Variants in RNF152 observed in about 807,000 individuals in gnomAD.
RNF152 encodes E3 ubiquitin-protein ligase RNF152.
A neutral mutation model predicts 12.7 loss-of-function variants in RNF152; 11 were observed. The ratio of observed to expected loss-of-function variants is 0.86; its 90% CI spans 0.54 to 1.43. The LOEUF (loss-of-function observed/expected upper bound fraction) is 1.43. Among genes scored for constraint, RNF152 ranks in the 40% most tolerant of loss-of-function variants. The pLI is 0.00. For synonymous variants in RNF152, 113 were observed against 120.3 expected, an observed-to-expected ratio of 0.94 and a Z score of 0.40; for missense variants, 255 against 274.8, an observed-to-expected ratio of 0.93 and a Z score of 0.51.
intron 1 of RNF152, among the ~76,000 whole-genome samples, chr18:61,818,928 T>C (rs1319456108): frequency 2.0e-5 from 3 of 152,030 alleles, no homozygotes; most frequent in Non-Finnish European, 4.4e-5. Context: ...GTAACGTAAA[T>C]ACAAGGTACC....
chr18:61,863,861 CAGG>C (rs1911608524), intron 1 of RNF152, among the ~76,000 whole-genome samples: 1 of 152,166 alleles, frequency 6.6e-6, no homozygotes. Context: ...AAGGTAAGGA[CAGG>C]ACTGAAAGGG....
intron 1 of RNF152, among the ~76,000 whole-genome samples, chr18:61,851,084 A>G (rs1396124699): frequency 1.4e-5 from 2 of 147,488 alleles, no homozygotes; most frequent in Non-Finnish European, 3.0e-5. Flanking sequence ...TGATATCCAC[A>G]ATGATTAAAA....
In RNF152 at chr18:61,817,826, C is replaced by T. The variant is rs577213572; in HGVS notation, c.-135-1228G>A. ...CAACTTCACTGAAGTTTGGGAATGTCCTCTAACGCTCCACTGGCATTTCAG... is the reference window on the plus strand; with the variant it reads ...CAACTTCACTGAAGTTTGGGAATGTTCTCTAACGCTCCACTGGCATTTCAG... On this transcript the variant is annotated intron_variant, in intron 1 of 1. Transcript: ENST00000312828. Among the ~76,000 whole-genome samples the T allele has an allele frequency of 1.2e-3, 186 of 151,880 alleles. 1 individual carries two copies. The highest frequency in any genetic ancestry group is 4.3e-3 in the African/African-American group (178 of 41,408).
At chr18:61,862,499 C>G (rs1350306048) in intron 1 of RNF152, among the ~76,000 whole-genome samples, 1 of 152,112 alleles carries the variant, frequency 6.6e-6, no homozygotes, top group African/African-American at 2.4e-5. Context: ...TGAGGGGATC[C>G]CACCCTGTGC....
intron 1 of RNF152, among the ~76,000 whole-genome samples, chr18:61,891,133 A>G (rs1320146376): frequency 6.6e-6 from 1 of 152,226 alleles, no homozygotes; most frequent in African/African-American, 2.4e-5. Context: ...AACATCTGCT[A>G]AATGAATAAA....
chr18:61,884,718 C>T (rs148183342), intron 1 of RNF152, among the ~76,000 whole-genome samples: 30 of 152,312 alleles, frequency 2.0e-4, no homozygotes, highest in African/African-American at 7.0e-4. Context: ...CACCACCATG[C>T]CTGCCTAATT....
chr18:61,857,735 C>T (rs1911289853), intron 1 of RNF152, among the ~76,000 whole-genome samples: 1 of 152,140 alleles, frequency 6.6e-6, no homozygotes, highest in African/African-American at 2.4e-5. Flanking sequence ...AAACTGTGGG[C>T]TTTTGGTCAT....
At chr18:61,831,718 A>C (rs866729903) in intron 1 of RNF152, among the ~76,000 whole-genome samples, 3 of 152,186 alleles carry the variant, frequency 2.0e-5, no homozygotes, top group Non-Finnish European at 4.4e-5. Context: ...CTGTAAATAC[A>C]ATTTCTATGT....
At chr18:61,833,927 T>C (rs547287959) in intron 1 of RNF152, among the ~76,000 whole-genome samples, 120 of 152,268 alleles carry the variant, frequency 7.9e-4, no homozygotes, top group African/African-American at 2.6e-3. Context: ...TCAGATGCGC[T>C]AAGAATACCA....
chr18:61,880,612 T>C (rs899065187), intron 1 of RNF152, among the ~76,000 whole-genome samples: 1 of 152,062 alleles, frequency 6.6e-6, no homozygotes, highest in Non-Finnish European at 1.5e-5. Context: ...TCTCCCCCAC[T>C]CTCCCAAATT....
intron 1 of RNF152, among the ~76,000 whole-genome samples, chr18:61,883,810 C>G (rs1017996474): frequency 6.6e-6 from 1 of 152,162 alleles, no homozygotes; most frequent in African/African-American, 2.4e-5. Context: ...AGCTCAGAAC[C>G]CTTTCTCAGA....
chr18:61,851,481 G>C (rs1229153326), intron 1 of RNF152, among the ~76,000 whole-genome samples: 1 of 152,130 alleles, frequency 6.6e-6, no homozygotes, highest in Non-Finnish European at 1.5e-5. Flanking sequence ...ACTGTGCCCA[G>C]TTTTCTCCGT....
intron 1 of RNF152, among the ~76,000 whole-genome samples, chr18:61,886,561 T>C (rs548377930): frequency 6.6e-6 from 1 of 152,380 alleles, no homozygotes; most frequent in African/African-American, 2.4e-5. Context: ...AGGTCACAAC[T>C]GCTACATCAG....
intron 1 of RNF152, among the ~76,000 whole-genome samples, chr18:61,883,285 C>T (rs561728232): frequency 1.3e-5 from 2 of 152,264 alleles, no homozygotes; most frequent in Admixed American, 6.5e-5. Context: ...GGGCCCCAAG[C>T]GGCTACCCCT....
intron 1 of RNF152, among the ~76,000 whole-genome samples, chr18:61,835,928 A>T (rs1350030275): frequency 6.6e-6 from 1 of 152,202 alleles, no homozygotes; most frequent in Non-Finnish European, 1.5e-5. Context: ...CTCACTGTGG[A>T]AGGAGAGACA....
chr18:61,869,080 G>C (rs1309144534), intron 1 of RNF152, among the ~76,000 whole-genome samples: 1 of 152,210 alleles, frequency 6.6e-6, no homozygotes, highest in African/African-American at 2.4e-5. Flanking sequence ...TAACATCTCA[G>C]AGGTAATCTC....
rs115506416 is a variant in RNF152 at position 61,827,693 on chromosome 18, A to G, written c.-135-11095T>C. 6.9e-3 allele frequency among the ~76,000 whole-genome samples: 1,047 copies of G among 152,240 alleles called. 8 individuals carry two copies. Among genetic ancestry groups the G allele is most frequent in the African/African-American group, 0.024 (981 of 41,530 alleles). ...GCTGCAGTTTCTCTACCTACCCTCA[A>G]TATTGATGATTCATGGCACGAGTTA... On this transcript the variant is annotated intron_variant, in intron 1 of 1. Coordinates refer to ENST00000312828, the MANE Select transcript of RNF152 (RefSeq NM_173557.3).
chr18:61,858,256 T>C lies in RNF152; in HGVS notation c.-136+34539A>G, dbSNP rs559957297. On this transcript the variant is annotated intron_variant, in intron 1 of 1. Coordinates refer to ENST00000312828, the MANE Select transcript of RNF152 (RefSeq NM_173557.3). ...GACATTGAGTGCTTTCTTGATTCCT[T>C]AGCTCTTTGAATCTGACACTTGTTA... 2.0e-5 allele frequency among the ~76,000 whole-genome samples: 3 copies of C among 152,294 alleles called. No homozygotes were observed. In the East Asian group the frequency reaches 5.8e-4, roughly 29 times the overall value.
chr18:61,873,046 G>T (rs74788822), intron 1 of RNF152, among the ~76,000 whole-genome samples: 4,843 of 152,072 alleles, frequency 0.032, 261 homozygotes, highest in African/African-American at 0.11. Flanking sequence ...ATGCTTCTAC[G>T]TACCAGATTT....
Sources: allele counts gnomAD v4.1 joint callset (sites outside exome capture counted in the v4.1 genomes callset), GRCh38; gene constraint gnomAD v4.1.1; transcripts MANE v1.5; gene names NCBI Gene and HGNC (gene_info 2026-07-23, HGNC 2026-07-21).